PSG6: variants seen among roughly 807,000 people sequenced by gnomAD.
The protein encoded by PSG6 is pregnancy-specific beta-1-glycoprotein 6.
In PSG6, 51 loss-of-function variants were observed where a neutral mutation model predicts 43.3. The observed-to-expected ratio is 1.18, with a 90% CI of 0.94 to 1.49. The LOEUF (loss-of-function observed/expected upper bound fraction) is 1.49. PSG6 is among the 40% of genes most tolerant of loss of function. The pLI is 0.00. For synonymous variants in PSG6, 292 were observed against 197.6 expected (o/e 1.48, Z -4.01); for missense variants, 770 against 522.2 (o/e 1.47, Z -4.62).
In PSG6 at chr19:42,910,767, C is replaced by T. The variant is rs1065506; in HGVS notation, c.519G>A (p.Pro173=). 5.2e-5 allele frequency: 84 copies of T among 1,612,316 alleles called. 3 individuals are homozygous for T. Among genetic ancestry groups the T allele is most frequent in the African/African-American group, 2.8e-4 (21 of 74,824 alleles). Residue 173 remains proline (P), a synonymous_variant, in exon 3 of 6, where the codon CCG becomes CCA. Transcript: ENST00000187910. ...AVRLICDPET[P]DASYLWLLNG... ...TCAGCAACCACAGGTAGCTTGCATC[C>T]GGAGTCTCAGGATCACAGATTAAGC... is the stretch of plus-strand genomic sequence containing the variant.
chr19:42,917,807 G>C lies in PSG6; in HGVS notation c.-15C>G, dbSNP rs1455835733. The stretch of plus-strand genomic sequence containing the variant: ...AGGGGTCCCATGGTCTCTGCTGTCT[G>C]TGTGTTCTCCCCTGTGGAGATGAGC... On this transcript the variant is annotated 5_prime_UTR_variant, in exon 1 of 6. Transcript: ENST00000187910. 1 of 1,607,492 alleles carries C rather than the reference G, an allele frequency of 6.2e-7. No homozygotes were observed.
At chr19:42,909,537 A>G (rs1208081356) in intron 3 of PSG6, among the ~76,000 whole-genome samples, 4 of 151,602 alleles carry the variant, frequency 2.6e-5, no homozygotes, top group African/African-American at 9.7e-5. Context: ...GCTTCTTCCA[A>G]TCCATGAAAA....
chr19:42,906,774 A>G, intron 5 of PSG6, 148 bp downstream of exon 5: 2 of 1,587,872 alleles, frequency 1.3e-6, no homozygotes, highest in African/African-American at 1.4e-5. Context: ...CTGTAGAGAT[A>G]AGTTGGGAGG....
chr19:42,913,140 C>T (rs1186965116), intron 2 of PSG6, among the ~76,000 whole-genome samples: 1 of 151,370 alleles, frequency 6.6e-6, no homozygotes, highest in East Asian at 1.9e-4. Flanking sequence ...GCATCAAAAG[C>T]ATTCTTCATT....
At chr19:42,911,893 C>G (rs972659078) in intron 2 of PSG6, among the ~76,000 whole-genome samples, 8 of 151,480 alleles carry the variant, frequency 5.3e-5, no homozygotes, top group Admixed American at 5.3e-4. Flanking sequence ...TAGTTTGCAG[C>G]AACTGAAATC....
Position 42,916,428 on chromosome 19 carries a change from G to A in PSG6, c.124C>T (p.Pro42Ser). 1 of 1,612,034 alleles carries A rather than the reference G, an allele frequency of 6.2e-7. No individual in the cohort carries two copies. The highest frequency in any genetic ancestry group is 8.5e-7 in the Non-Finnish European group (1 of 1,179,072). The change falls in exon 2 of 6, where the codon CCA becomes TCA. Residue 42 changes from proline (P) to serine (S), a missense_variant. Coordinates refer to ENST00000187910, the MANE Select transcript of PSG6 (RefSeq NM_001031850.4). The stretch of plus-strand genomic sequence containing the variant: ...TCCTTCCCCTCGGAAACTTTGGGTG[G>A]CTTGGCTTCAATTATTACTTGGGCA... ...TTAQVIIEAK[P>S]PKVSEGKDVL...
chr19:42,916,128 A>G lies in PSG6; in HGVS notation c.424T>C (p.Tyr142His), dbSNP rs1173083516. ...GVTGYFTVTL[Y>H]SETPKPSISS... ...GGGATCATGCGGAATCACTCACAGTATAAGGTGACAGTGAAATATCCAGTT... is the reference window on the plus strand; with the variant it reads ...GGGATCATGCGGAATCACTCACAGTGTAAGGTGACAGTGAAATATCCAGTT... Residue 142 changes from tyrosine to histidine, a missense_variant, in exon 2 of 6, where the codon TAC (tyrosine) becomes CAC (histidine). Transcript: ENST00000187910. The G allele has an allele frequency of 1.9e-6, 3 of 1,611,172 alleles. No homozygotes were observed. The highest frequency in any genetic ancestry group is 1.7e-6 in the Non-Finnish European group (2 of 1,178,606).
chr19:42,910,350 T>G, intron 3 of PSG6: 1 of 1,129,736 alleles, frequency 8.9e-7, no homozygotes, highest in African/African-American at 1.6e-5. Context: ...GTTTCTTCCA[T>G]CACAAGCTGT....
chr19:42,904,964 C>A lies in PSG6; in HGVS notation c.1240+1958G>T, dbSNP rs561531828. ...ATAGAAATTAATGAAATATCATAGC[C>A]CAGAAAGAAATGCTTGCATATATGG... On this transcript the variant is annotated intron_variant, in intron 5 of 5. Transcript: ENST00000187910. Among the ~76,000 whole-genome samples the A allele has an allele frequency of 1.1e-4, 17 of 151,524 alleles. 1 individual carries two copies. Among genetic ancestry groups the A allele is most frequent in the Non-Finnish European group, 4.4e-5 (3 of 67,830 alleles).
intron 2 of PSG6, among the ~76,000 whole-genome samples, chr19:42,915,138 C>T (rs1201154948): frequency 6.6e-6 from 1 of 151,464 alleles, no homozygotes; most frequent in Admixed American, 6.6e-5. Context: ...GCAGACAGAC[C>T]TCATGTGACC....
chr19:42,917,236 A>C lies in PSG6; in HGVS notation c.64+493T>G, dbSNP rs142699767. On this transcript the variant is annotated intron_variant, in intron 1 of 5. Transcript: ENST00000187910. Reference sequence around the variant, plus strand: ...AGGAAAACAGAACACTTAAGATTTTACTACCTCTTACCAATTCCGGTTCAA... The same window carrying C: ...AGGAAAACAGAACACTTAAGATTTTCCTACCTCTTACCAATTCCGGTTCAA... Among the ~76,000 whole-genome samples, 1,028 of 151,528 alleles carry C rather than the reference A, an allele frequency of 6.8e-3. 25 individuals are homozygous for C. Among genetic ancestry groups the C allele is most frequent in the African/African-American group, 0.02 (819 of 41,276 alleles).
chr19:42,910,466 T>C lies in PSG6; in HGVS notation c.706+114A>G, dbSNP rs562647049. On this transcript the variant is annotated intron_variant, in intron 3 of 5. Transcript: ENST00000187910. ...AGCAGAAAGTCATGGCCAGCTTTGATGTTCAGGGATAAAGGTCTCTGTACT... is the reference window on the plus strand; with the variant it reads ...AGCAGAAAGTCATGGCCAGCTTTGACGTTCAGGGATAAAGGTCTCTGTACT... 6.2e-6 allele frequency: 10 copies of C among 1,610,288 alleles called. 1 individual carries two copies. The South Asian group carries it at 1.1e-4, about 18-fold the overall frequency.
intron 3 of PSG6, among the ~76,000 whole-genome samples, chr19:42,908,469 GACTT>G (rs1972160329): frequency 6.6e-6 from 1 of 151,686 alleles, no homozygotes; most frequent in Non-Finnish European, 1.5e-5. Context: ...GTTTCATGAT[GACTT>G]ACTTGAACCA....
chr19:42,913,918 C>G (rs901740720), intron 2 of PSG6, among the ~76,000 whole-genome samples: 8 of 151,730 alleles, frequency 5.3e-5, no homozygotes, highest in African/African-American at 9.7e-5. Flanking sequence ...AAATCTCTAA[C>G]ACCTGATCCA....
rs779301582 is a variant in PSG6 at position 42,906,969 on chromosome 19, G to C, written c.1193C>G (p.Ser398Ter). The change falls in exon 5 of 6, where the codon TCA (serine) becomes TGA (stop). Residue 398 changes from serine (S) to a stop codon, truncating the protein, a stop_gained. Transcript: ENST00000187910. LOFTEE classifies it low-confidence loss of function (END_TRUNC). Reference protein sequence around the residue: ...SGLYACSVRNSATGKEISKSM... With the variant: ...SGLYACSVRN ...TTTGGAGATTTCCTTGCCAGTGGCT[G>C]AGTTACGAACAGAGCAAGCATAGAG... 5 of 1,612,456 alleles carry C rather than the reference G, an allele frequency of 3.1e-6. No individual in the cohort carries two copies. Among genetic ancestry groups the C allele is most frequent in the South Asian group, 2.2e-5 (2 of 90,830 alleles).
intron 2 of PSG6, among the ~76,000 whole-genome samples, chr19:42,913,757 C>A (rs1046367706): frequency 6.6e-6 from 1 of 151,682 alleles, no homozygotes; most frequent in African/African-American, 2.4e-5. Flanking sequence ...CTGACCTCAT[C>A]CATACCTATG....
At chr19:42,910,463 T>C in intron 3 of PSG6, 117 bp downstream of exon 3, 1 of 1,609,976 alleles carries the variant, frequency 6.2e-7, no homozygotes, top group African/African-American at 1.3e-5. Flanking sequence ...TGGCCAGCTT[T>C]GATGTTCAGG....
chr19:42,913,162 AT>A (rs571847209), intron 2 of PSG6, among the ~76,000 whole-genome samples: 8 of 149,656 alleles, frequency 5.3e-5, no homozygotes, highest in Non-Finnish European at 5.9e-5. Flanking sequence ...CTCTAACAGC[AT>A]TTTTTTTTCT....
chr19:42,903,887 G>GA (rs1406010083), intron 5 of PSG6, among the ~76,000 whole-genome samples: 3 of 151,470 alleles, frequency 2.0e-5, no homozygotes, highest in African/African-American at 7.3e-5. Flanking sequence ...TACAGAGTGA[G>GA]AGCCTGTCTC....
Sources: allele counts gnomAD v4.1 joint callset (sites outside exome capture counted in the v4.1 genomes callset), GRCh38; gene constraint gnomAD v4.1.1; transcripts MANE v1.5; gene names NCBI Gene and HGNC (gene_info 2026-07-23, HGNC 2026-07-21).